CD244: variants seen among roughly 807,000 people sequenced by gnomAD.
CD244 encodes natural killer cell receptor 2B4.
In CD244, 20 loss-of-function variants were observed where a neutral mutation model predicts 45.5. That is an observed-to-expected ratio of 0.44 (90% CI 0.31 to 0.64). CD244 has a LOEUF of 0.64. Among genes scored for constraint, CD244 ranks in the 30% least tolerant of loss-of-function variants. The pLI, the probability that CD244 is intolerant of heterozygous loss-of-function variation, is 0.08. For missense variants in CD244, 407 were observed against 426.9 expected, an observed-to-expected ratio of 0.95 and a Z score of 0.41; for synonymous variants, 185 against 160.5, an observed-to-expected ratio of 1.15 and a Z score of -1.15.
At chr1:160,858,925 A>T (rs1262278919) in intron 1 of CD244, among the ~76,000 whole-genome samples, 1 of 152,198 alleles carries the variant, frequency 6.6e-6, no homozygotes, top group Non-Finnish European at 1.5e-5. Flanking sequence ...TGAGGAGACA[A>T]CGGTGAGCAA....
chr1:160,837,112 CTT>C (rs1272385373), intron 5 of CD244, among the ~76,000 whole-genome samples: 1 of 152,158 alleles, frequency 6.6e-6, no homozygotes, highest in Non-Finnish European at 1.5e-5. Context: ...CCACATGAAA[CTT>C]GAGATTTAGG....
intron 1 of CD244, chr1:160,848,349 T>G (rs535807256): frequency 1.9e-5 from 11 of 587,254 alleles, no homozygotes; most frequent in South Asian, 1.4e-4. Flanking sequence ...CAGTTTTTCA[T>G]CTACATTGCC....
In CD244 at chr1:160,841,362, C is replaced by G. The variant is rs1403166454; in HGVS notation, c.503G>C (p.Ser168Thr). The change falls in exon 3 of 9, where the codon AGC (serine) becomes ACC (threonine). Residue 168 changes from serine to threonine, a missense_variant. Physicochemically the swap from Ser to Thr is moderately conservative, Grantham distance 58. Transcript: ENST00000368034. ...GNVSYAWYRG[S>T]KLIQTAGNLT... ...GTTCCCTGCTGTCTGGATCAGCTTG[C>G]TCCCTCTGTACCAAGCATAGGACAC... The G allele has an allele frequency of 6.2e-7, 1 of 1,614,208 alleles. No individual in the cohort carries two copies.
At chr1:160,832,286 G>C (rs1669153278) in intron 8 of CD244, among the ~76,000 whole-genome samples, 1 of 152,120 alleles carries the variant, frequency 6.6e-6, no homozygotes, top group Non-Finnish European at 1.5e-5. Flanking sequence ...TAAAACCCAA[G>C]CTGCCCAGTA....
At chr1:160,851,495 G>GA (rs937197727) in intron 1 of CD244, among the ~76,000 whole-genome samples, 8 of 151,176 alleles carry the variant, frequency 5.3e-5, no homozygotes, top group African/African-American at 1.7e-4. Flanking sequence ...TATCTATAAG[G>GA]AAAAAAAACC....
chr1:160,849,653 C>A (rs1025516087), intron 1 of CD244, among the ~76,000 whole-genome samples: 3 of 152,188 alleles, frequency 2.0e-5, no homozygotes, highest in Non-Finnish European at 4.4e-5. Context: ...ATAATTACCT[C>A]TTTTAATCAA....
rs187742573 is a variant in CD244 at position 160,836,166 on chromosome 1, G to T, written c.894+29C>A. 8.0e-5 allele frequency: 125 copies of T among 1,568,212 alleles called. 1 individual carries two copies. The East Asian group carries it at 2.7e-3, about 34-fold the overall frequency. ...ATTAGGAAACCCCAGAGATAGGTAT[G>T]GAATGGACTAGAGAAACTGGAGAGG... On this transcript the variant is annotated intron_variant, in intron 6 of 8. Coordinates refer to ENST00000368034, the MANE Select transcript of CD244 (RefSeq NM_016382.4).
At chr1:160,857,827 G>A (rs1319802731) in intron 1 of CD244, among the ~76,000 whole-genome samples, 1 of 152,130 alleles carries the variant, frequency 6.6e-6, no homozygotes, top group East Asian at 1.9e-4. Context: ...CAAGAGGATT[G>A]CTTGAGCCCA....
chr1:160,849,144 G>A (rs1341161178), intron 1 of CD244, among the ~76,000 whole-genome samples: 1 of 152,178 alleles, frequency 6.6e-6, no homozygotes, highest in African/African-American at 2.4e-5. Flanking sequence ...GCTGTGAGGA[G>A]AAATCCACCT....
At position 160,841,849 on chromosome 1, in the gene CD244, C is replaced by T. The variant is rs765504390; in HGVS notation, c.114G>A (p.Gln38=). The change falls in exon 2 of 9, where the codon CAG becomes CAA. Residue 38 remains glutamine (Q), a synonymous_variant. Coordinates refer to ENST00000368034, the MANE Select transcript of CD244 (RefSeq NM_016382.4). The part of the protein sequence containing the change: ...HVVSISGVPL[Q]LQPNSIQTKV... ...TCGTCTGTATGCTGTTTGGTTGTAA[C>T]TGAAGAGGCACTCCCGAGATGCTAA... is the stretch of plus-strand genomic sequence containing the variant. 3 of 1,614,062 alleles carry T rather than the reference C, an allele frequency of 1.9e-6. No homozygotes were observed. The African/African-American group carries it at 4.0e-5, about 22-fold the overall frequency.
intron 3 of CD244, 96 bp downstream of exon 3, chr1:160,841,114 A>G: frequency 1.6e-6 from 2 of 1,258,858 alleles, no homozygotes; most frequent in East Asian, 2.4e-5. Context: ...GAGGAGGCCA[A>G]GGGATTTTAT....
chr1:160,837,435 G>A (rs1457693123), intron 5 of CD244, among the ~76,000 whole-genome samples: 2 of 152,088 alleles, frequency 1.3e-5, no homozygotes, highest in African/African-American at 2.4e-5. Context: ...CATTCCAATA[G>A]CCACTGCTTT....
chr1:160,861,929 A>G (rs1670325212), intron 1 of CD244, among the ~76,000 whole-genome samples: 3 of 152,300 alleles, frequency 2.0e-5, no homozygotes, highest in African/African-American at 7.2e-5. Flanking sequence ...AGCATCCTGG[A>G]CCCCAGAACT....
chr1:160,836,319 TG>T, intron 5 of CD244, 65 bp from the exon 6 acceptor site: 1 of 1,308,484 alleles, frequency 7.6e-7, no homozygotes, highest in Non-Finnish European at 1.1e-6. Context: ...TTAGATTGAG[TG>T]GGGAAAAACA....
chr1:160,853,783 A>C (rs1238678926), intron 1 of CD244, among the ~76,000 whole-genome samples: 1 of 2,132 alleles, frequency 4.7e-4, no homozygotes. Context: ...GACCCTGCCT[A>C]AAAAAAAAAA....
chr1:160,857,374 T>C lies in CD244; in HGVS notation c.61+5243A>G, dbSNP rs140161706. 4.4e-3 allele frequency among the ~76,000 whole-genome samples: 665 copies of C among 152,170 alleles called. 3 individuals carry two copies. The highest frequency in any genetic ancestry group is 7.4e-3 in the Non-Finnish European group (506 of 68,018). On this transcript the variant is annotated intron_variant, in intron 1 of 8. Coordinates refer to ENST00000368034, the MANE Select transcript of CD244 (RefSeq NM_016382.4). The stretch of plus-strand genomic sequence containing the variant: ...CATTATTATAATAGCAAAAACAAAA[T>C]TGAAAGCAACCCAAAGGTTCATCAA...
chr1:160,832,622 C>T lies in CD244; in HGVS notation c.961-47G>A, dbSNP rs368347817. 1.2e-4 allele frequency: 196 copies of T among 1,609,348 alleles called. 1 individual carries two copies. The African/African-American group carries it at 2.3e-3, about 19-fold the overall frequency. The stretch of plus-strand genomic sequence containing the variant: ...AATACTTAACTTCGAGATAAGTGCT[C>T]TCCCACTCCTAAGTGATGTGAGAGG... On this transcript the variant is annotated intron_variant, in intron 7 of 8. Transcript: ENST00000368034.
chr1:160,833,624 G>C (rs1669217356), intron 7 of CD244, among the ~76,000 whole-genome samples: 1 of 152,178 alleles, frequency 6.6e-6, no homozygotes, highest in African/African-American at 2.4e-5. Flanking sequence ...GGTCTCTGAA[G>C]GTCAAGATTG....
At chr1:160,860,890 G>C (rs1281318991) in intron 1 of CD244, among the ~76,000 whole-genome samples, 1 of 152,210 alleles carries the variant, frequency 6.6e-6, no homozygotes, top group African/African-American at 2.4e-5. Flanking sequence ...GGATGGAGGA[G>C]GAAGCAGCTC....
Sources: gnomAD v4.1 joint callset for allele counts (sites outside exome capture counted in the v4.1 genomes callset) on GRCh38, gnomAD v4.1.1 for gene constraint, MANE v1.5 for transcripts, NCBI Gene and HGNC (gene_info 2026-07-23, HGNC 2026-07-21) for gene names.